SMARCC1: variants seen among roughly 807,000 people sequenced by gnomAD.
SMARCC1 encodes SWI/SNF related BAF chromatin remodeling complex subunit C1.
In SMARCC1, 43 loss-of-function variants were observed where a neutral mutation model predicts 147.4. The ratio of observed to expected loss-of-function variants is 0.29; its 90% CI spans 0.23 to 0.38. SMARCC1 has a LOEUF of 0.38. SMARCC1 is among the 10% of genes least tolerant of loss of function. The pLI, the probability that SMARCC1 is intolerant of heterozygous loss-of-function variation, is 1.00. For missense variants in SMARCC1, 1,119 were observed against 1,381.1 expected, an observed-to-expected ratio of 0.81 and a Z score of 3.01; for synonymous variants, 495 against 484.4, an observed-to-expected ratio of 1.02 and a Z score of -0.29.
At chr3:47,766,950 C>T (rs1057484907) in intron 2 of SMARCC1, among the ~76,000 whole-genome samples, 2 of 151,864 alleles carry the variant, frequency 1.3e-5, no homozygotes, top group African/African-American at 2.4e-5. Context: ...TTTGGGAAGC[C>T]GAGGCATGCG....
intron 11 of SMARCC1, among the ~76,000 whole-genome samples, chr3:47,699,427 C>T (rs930818992): frequency 2.0e-5 from 3 of 152,090 alleles, no homozygotes; most frequent in Non-Finnish European, 4.4e-5. Context: ...CTTTAGCCTT[C>T]GACCAGACAA....
chr3:47,684,137 G>A (rs1373829371), intron 14 of SMARCC1, among the ~76,000 whole-genome samples: 2 of 151,256 alleles, frequency 1.3e-5, no homozygotes, highest in African/African-American at 2.4e-5. Flanking sequence ...CTACTTGGGA[G>A]GCTGAGGCAG....
intron 11 of SMARCC1, among the ~76,000 whole-genome samples, chr3:47,699,057 C>T (rs1319237413): frequency 1.3e-5 from 2 of 152,096 alleles, no homozygotes; most frequent in African/African-American, 4.8e-5. Flanking sequence ...ACAGACCTAA[C>T]TATAAAAGCA....
At chr3:47,614,741 T>C (rs2032613252) in intron 25 of SMARCC1, among the ~76,000 whole-genome samples, 1 of 152,170 alleles carries the variant, frequency 6.6e-6, no homozygotes, top group South Asian at 2.1e-4. Context: ...TGCCTTATAA[T>C]TTACTCTCTC....
chr3:47,653,073 T>G (rs750356523), intron 21 of SMARCC1, among the ~76,000 whole-genome samples: 8 of 151,218 alleles, frequency 5.3e-5, no homozygotes, highest in African/African-American at 9.7e-5. Flanking sequence ...TCTCCTGGCC[T>G]CAGCCTCCCG....
At chr3:47,661,634 T>C (rs752661411) in intron 20 of SMARCC1, among the ~76,000 whole-genome samples, 179 bp from the exon 21 acceptor site, 2 of 152,060 alleles carry the variant, frequency 1.3e-5, no homozygotes, top group Non-Finnish European at 2.9e-5. Flanking sequence ...AAAATAGTAA[T>C]AATAATGAAA....
Position 47,588,138 on chromosome 3 carries a change from A to G in SMARCC1, c.*71T>C. The G allele has an allele frequency of 8.2e-7, 1 of 1,226,104 alleles. No individual in the cohort carries two copies. The highest frequency in any genetic ancestry group is 1.2e-6 in the Non-Finnish European group (1 of 848,326). The allele number at this position is 1,226,104 out of a possible 1,614,324, so 76.0% of individuals were successfully genotyped here. ...TCCTGAAAGAAACCCAAGAAAGTTG[A>G]GGAACACAAGTCTTGTCATCCCCAC... is the stretch of plus-strand genomic sequence containing the variant. On this transcript the variant is annotated 3_prime_UTR_variant, in exon 28 of 28. Coordinates refer to ENST00000254480, the MANE Select transcript of SMARCC1 (RefSeq NM_003074.4).
chr3:47,631,800 T>A (rs1207336693), intron 24 of SMARCC1, among the ~76,000 whole-genome samples: 1 of 152,198 alleles, frequency 6.6e-6, no homozygotes, highest in Non-Finnish European at 1.5e-5. Flanking sequence ...TAAGAGAAAC[T>A]TGGACTGGCT....
intron 2 of SMARCC1, among the ~76,000 whole-genome samples, chr3:47,755,112 G>A (rs1020819965): frequency 2.6e-5 from 4 of 152,030 alleles, no homozygotes; most frequent in Admixed American, 6.6e-5. Context: ...TCGCGAGGCC[G>A]AGGCAGGAAA....
At chr3:47,754,997 C>T (rs568340343) in intron 2 of SMARCC1, among the ~76,000 whole-genome samples, 21 of 152,222 alleles carry the variant, frequency 1.4e-4, no homozygotes, top group Admixed American at 7.2e-4. Context: ...GAGCTGAGAT[C>T]GTGCCACTGC....
intron 18 of SMARCC1, among the ~76,000 whole-genome samples, chr3:47,674,975 T>C (rs552018155): frequency 2.0e-5 from 3 of 152,104 alleles, no homozygotes; most frequent in African/African-American, 7.2e-5. Context: ...GCTCCAGTGA[T>C]CCTCCTGCCT....
At position 47,749,729 on chromosome 3, in the gene SMARCC1, A is replaced by G. The variant is rs527709001; in HGVS notation, c.316-3736T>C. ...CTAAATTAAACACACACACACAGAG[A>G]AAGAGACAGAGAGAGAGAGAGAGAG... On this transcript the variant is annotated intron_variant, in intron 2 of 27. Transcript: ENST00000254480. Among the ~76,000 whole-genome samples, 6 of 105,274 alleles carry G rather than the reference A, an allele frequency of 5.7e-5. No individual in the cohort carries two copies. In the South Asian group the frequency reaches 1.6e-3, roughly 28 times the overall value. 69.1% of individuals were successfully genotyped at this position (105,274 alleles called of 152,430 possible). A position where few individuals can be genotyped will look rare whatever the true frequency, so the allele number is the denominator to read the frequency against.
At chr3:47,606,471 T>A (rs1490130567) in intron 26 of SMARCC1, among the ~76,000 whole-genome samples, 1 of 152,212 alleles carries the variant, frequency 6.6e-6, no homozygotes, top group Non-Finnish European at 1.5e-5. Context: ...GTGAGGGGCA[T>A]GGCATACAAA....
intron 20 of SMARCC1, among the ~76,000 whole-genome samples, chr3:47,661,703 A>G (rs952312797): frequency 2.0e-5 from 3 of 152,152 alleles, no homozygotes; most frequent in Non-Finnish European, 4.4e-5. Context: ...GAGATCTTTC[A>G]ACTTATGCCA....
At chr3:47,695,506 C>T (rs1407565196) in intron 11 of SMARCC1, among the ~76,000 whole-genome samples, 1 of 152,074 alleles carries the variant, frequency 6.6e-6, no homozygotes, top group Non-Finnish European at 1.5e-5. Context: ...GTGGCTCATG[C>T]TTGTAATCGC....
At chr3:47,712,217 A>G (rs987100261) in intron 8 of SMARCC1, among the ~76,000 whole-genome samples, 2 of 152,162 alleles carry the variant, frequency 1.3e-5, no homozygotes, top group African/African-American at 4.8e-5. Flanking sequence ...GGGCAACAAG[A>G]ATGAAGTTCC....
intron 21 of SMARCC1, among the ~76,000 whole-genome samples, chr3:47,640,268 C>T (rs1008868874): frequency 2.0e-5 from 3 of 151,662 alleles, no homozygotes; most frequent in African/African-American, 7.3e-5. Context: ...AAAAAATACA[C>T]TAGAGATTTA....
chr3:47,764,335 T>C (rs1477709306), intron 2 of SMARCC1, among the ~76,000 whole-genome samples: 4 of 152,160 alleles, frequency 2.6e-5, no homozygotes. Context: ...TGTGCCCAGC[T>C]AAATATGTAC....
In SMARCC1 at chr3:47,691,994, G is replaced by A. The variant is rs1455806788; in HGVS notation, c.1225+1247C>T. On this transcript the variant is annotated intron_variant, in intron 12 of 27. Transcript: ENST00000254480. Reference sequence around the variant, plus strand: ...AGCCTGGGTAACAGACCGAGGCTCCGTCTCAAAAAATAATAATGACTGCAA... The same window carrying A: ...AGCCTGGGTAACAGACCGAGGCTCCATCTCAAAAAATAATAATGACTGCAA... Among the ~76,000 whole-genome samples the A allele has an allele frequency of 2.0e-5, 3 of 152,018 alleles. 1 individual carries two copies. The highest frequency in any genetic ancestry group is 4.1e-4 in the South Asian group (2 of 4,820).
Sources: gnomAD v4.1 joint callset for allele counts (sites outside exome capture counted in the v4.1 genomes callset) on GRCh38, gnomAD v4.1.1 for gene constraint, MANE v1.5 for transcripts, NCBI Gene and HGNC (gene_info 2026-07-23, HGNC 2026-07-21) for gene names.